The following GRB10 variants were observed in gnomAD, a reference collection of about 807,000 sequenced individuals.
GRB10 encodes the protein growth factor receptor bound protein 10.
In GRB10, 20 loss-of-function variants were observed where a neutral mutation model predicts 80.9. The observed-to-expected ratio is 0.25, with a 90% CI of 0.17 to 0.36. The LOEUF (loss-of-function observed/expected upper bound fraction) is 0.36. GRB10 is among the 10% of genes least tolerant of loss of function. The pLI, the probability that GRB10 is intolerant of heterozygous loss-of-function variation, is 1.00. For missense variants in GRB10, 548 were observed against 747.7 expected, an observed-to-expected ratio of 0.73 and a Z score of 3.12; for synonymous variants, 291 against 291.5, an observed-to-expected ratio of 1.00 and a Z score of 0.02.
At chr7:50,793,066 C>T (rs2079004197) in intron 1 of GRB10, 1 of 144,570 alleles carries the variant, frequency 6.9e-6, no homozygotes, top group Non-Finnish European at 1.5e-5. Context: ...AGGCGACGCC[C>T]TTCCGCCCGC....
chr7:50,672,627 G>A (rs1472843398), intron 6 of GRB10, among the ~76,000 whole-genome samples: 1 of 152,192 alleles, frequency 6.6e-6, no homozygotes, highest in African/African-American at 2.4e-5. Context: ...CAGGGACTTA[G>A]CGCAGGTAGT....
At chr7:50,791,720 T>C (rs889229042) in intron 1 of GRB10, among the ~76,000 whole-genome samples, 3 of 152,222 alleles carry the variant, frequency 2.0e-5, no homozygotes, top group African/African-American at 7.2e-5. Flanking sequence ...CCCTGTAATC[T>C]GGGGATTGGC....
At chr7:50,712,571 C>T (rs879436748) in intron 4 of GRB10, among the ~76,000 whole-genome samples, 4 of 152,238 alleles carry the variant, frequency 2.6e-5, no homozygotes, top group Admixed American at 6.5e-5. Context: ...AATACCACCA[C>T]ATAAAAAATG....
intron 15 of GRB10, among the ~76,000 whole-genome samples, 198 bp from the exon 16 acceptor site, chr7:50,604,575 T>C (rs2048192851): frequency 6.6e-6 from 1 of 152,080 alleles, no homozygotes; most frequent in Non-Finnish European, 1.5e-5. Flanking sequence ...CCCTGAAATA[T>C]CTCTAGTAGC....
intron 4 of GRB10, chr7:50,729,307 T>C (rs1464404388): frequency 6.6e-6 from 1 of 152,238 alleles, no homozygotes; most frequent in African/African-American, 2.4e-5. Context: ...TACATAAAAT[T>C]CACATGCAAG....
chr7:50,663,913 G>A (rs927597420), intron 7 of GRB10, among the ~76,000 whole-genome samples: 1 of 152,218 alleles, frequency 6.6e-6, no homozygotes, highest in Non-Finnish European at 1.5e-5. Context: ...CTGCCTGCCA[G>A]GGTGTCTGCT....
At chr7:50,740,281 A>G (rs977797490) in intron 3 of GRB10, among the ~76,000 whole-genome samples, 64 of 152,228 alleles carry the variant, frequency 4.2e-4, no homozygotes, top group African/African-American at 1.5e-3. Context: ...TATCTTCTCC[A>G]TGGCAACAAC....
At chr7:50,732,094 G>C (rs997810668) in intron 4 of GRB10, among the ~76,000 whole-genome samples, 178 bp downstream of exon 4, 1 of 152,216 alleles carries the variant, frequency 6.6e-6, no homozygotes, top group East Asian at 1.9e-4. Flanking sequence ...AGACACAGAA[G>C]ACCGAGGCAG....
chr7:50,790,914 T>C (rs1030291042), intron 1 of GRB10, among the ~76,000 whole-genome samples: 3 of 152,196 alleles, frequency 2.0e-5, no homozygotes, highest in African/African-American at 7.2e-5. Flanking sequence ...GAGCTAACTC[T>C]TCGAGTCTGA....
chr7:50,591,745 C>G lies in GRB10; in HGVS notation c.*1207G>C, dbSNP rs1362867716. On this transcript the variant is annotated 3_prime_UTR_variant, in exon 19 of 19. Coordinates refer to ENST00000401949, the MANE Select transcript of GRB10 (RefSeq NM_001350814.2). ...TGACCCTAAGCCAGCAGAGGAGGAG[C>G]CTCTAGCTGCTCTGTGTTCACTGGC... 1 of 152,220 alleles carries G rather than the reference C, an allele frequency of 6.6e-6. No homozygotes were observed. The highest frequency in any genetic ancestry group is 2.1e-4 in the South Asian group (1 of 4,834). The allele number at this position is 152,220 out of a possible 1,614,324, so 9.4% of individuals were successfully genotyped here.
intron 2 of GRB10, among the ~76,000 whole-genome samples, chr7:50,760,162 G>A (rs1233585528): frequency 6.6e-6 from 1 of 152,174 alleles, no homozygotes; most frequent in Admixed American, 6.5e-5. Flanking sequence ...GCAGCACACA[G>A]CTCTAAAACT....
rs777580027 is a variant in GRB10 at position 50,667,042 on chromosome 7, C to CAAA, written c.504+2677_504+2679dup. Reference sequence around the variant, plus strand: ...TGGGCGACAGAGCGAGACTCTGTCTCAAAAAAAAAAAAAAAAAAAGGAGAG... The same window carrying CAAA: ...TGGGCGACAGAGCGAGACTCTGTCTCAAAAAAAAAAAAAAAAAAAAAAGGAGAG... On this transcript the variant is annotated intron_variant, in intron 7 of 18. Transcript: ENST00000401949. 3.2e-3 allele frequency among the ~76,000 whole-genome samples: 345 copies of CAAA among 107,994 alleles called. 8 individuals carry two copies. The highest frequency in any genetic ancestry group is 0.011 in the African/African-American group (296 of 26,548). 70.8% of individuals were successfully genotyped at this position (107,994 alleles called of 152,430 possible). A position where few individuals can be genotyped will look rare whatever the true frequency, so the allele number is the denominator to read the frequency against.
chr7:50,672,547 A>G (rs2060475348), intron 6 of GRB10, among the ~76,000 whole-genome samples: 1 of 152,160 alleles, frequency 6.6e-6, no homozygotes, highest in Non-Finnish European at 1.5e-5. Flanking sequence ...ATTGGGCCCA[A>G]GGAACAGCAC....
chr7:50,756,963 C>T (rs2075172003), intron 2 of GRB10, among the ~76,000 whole-genome samples: 1 of 152,154 alleles, frequency 6.6e-6, no homozygotes, highest in Admixed American at 6.5e-5. Flanking sequence ...CCCCTGCCTG[C>T]AACGTGGGTG....
At chr7:50,620,767 C>T (rs977969453) in intron 8 of GRB10, among the ~76,000 whole-genome samples, 2 of 152,146 alleles carry the variant, frequency 1.3e-5, no homozygotes, top group African/African-American at 2.4e-5. Flanking sequence ...CAAGAACATG[C>T]AACAAAAACT....
chr7:50,594,018 G>A (rs1030329542), intron 18 of GRB10, among the ~76,000 whole-genome samples: 3 of 151,260 alleles, frequency 2.0e-5, no homozygotes, highest in Non-Finnish European at 2.9e-5. Flanking sequence ...AGCCTAAAAT[G>A]TCAATCACTT....
intron 5 of GRB10, among the ~76,000 whole-genome samples, chr7:50,684,330 A>AG (rs2153652256): frequency 1.9e-5 from 1 of 52,214 alleles, no homozygotes; most frequent in East Asian, 1.5e-3. Flanking sequence ...GATTCCAGTG[A>AG]GATTTTTTTT....
intron 2 of GRB10, among the ~76,000 whole-genome samples, chr7:50,765,026 T>G (rs935367898): frequency 3.9e-5 from 6 of 152,052 alleles, no homozygotes; most frequent in African/African-American, 1.2e-4. Context: ...TGAACAGACA[T>G]CTCTAAAAGA....
intron 7 of GRB10, among the ~76,000 whole-genome samples, chr7:50,648,161 C>A (rs2057492597): frequency 6.6e-6 from 1 of 152,188 alleles, no homozygotes; most frequent in South Asian, 2.1e-4. Context: ...GGAGACGGAG[C>A]ACCAAGGCCC....
Sources: gnomAD v4.1 joint callset for allele counts (sites outside exome capture counted in the v4.1 genomes callset) on GRCh38, gnomAD v4.1.1 for gene constraint, MANE v1.5 for transcripts, NCBI Gene and HGNC (gene_info 2026-07-23, HGNC 2026-07-21) for gene names.